The following SAMSN1 variants were observed in gnomAD, a reference collection of about 807,000 sequenced individuals.
The protein encoded by SAMSN1 is SAM domain-containing protein SAMSN-1.
In SAMSN1, 31 loss-of-function variants were observed where a neutral mutation model predicts 42.0. The ratio of observed to expected loss-of-function variants is 0.74; its 90% CI spans 0.55 to 1.00. SAMSN1 has a LOEUF of 1.00. Among genes scored for constraint, SAMSN1 ranks in the 50% least tolerant of loss-of-function variants. SAMSN1 has a pLI of 0.00. For missense variants in SAMSN1, 464 were observed against 439.4 expected, an observed-to-expected ratio of 1.06 and a Z score of -0.50; for synonymous variants, 178 against 151.9, an observed-to-expected ratio of 1.17 and a Z score of -1.26.
intron 5 of SAMSN1, among the ~76,000 whole-genome samples, chr21:14,501,582 G>C (rs566661277): frequency 4.6e-4 from 70 of 152,250 alleles, no homozygotes; most frequent in African/African-American, 1.5e-3. Context: ...GGAGATGAAA[G>C]AGAAGTCTGT....
intron 6 of SAMSN1, chr21:14,597,956 A>G (rs527352303): frequency 2.6e-5 from 4 of 152,296 alleles, no homozygotes; most frequent in African/African-American, 9.6e-5. Flanking sequence ...ATTTCTGACT[A>G]TATTTCATTG....
intron 4 of SAMSN1, 59 bp from the exon 5 acceptor site, chr21:14,510,520 T>C (rs1987643399): frequency 1.3e-6 from 2 of 1,581,056 alleles, no homozygotes; most frequent in African/African-American, 2.7e-5. Flanking sequence ...TGAATCATCA[T>C]CTGGACACAA....
chr21:14,498,615 C>T (rs1782830559), intron 6 of SAMSN1, 23 bp from the exon 7 acceptor site: 3 of 1,526,772 alleles, frequency 2.0e-6, no homozygotes, highest in Non-Finnish European at 2.6e-6. Context: ...AAATATAAAG[C>T]AAATTAGTCA....
rs538161662 is a variant in SAMSN1, at chr21:14,490,033, TA to T, written c.920-3920del. On this transcript the variant is annotated intron_variant, in intron 7 of 7. Coordinates refer to ENST00000400566, the MANE Select transcript of SAMSN1 (RefSeq NM_022136.5). ...AGAAATCTGCCCCACCTTTACATAT[TA>T]AAAAATTAAAGATTCAAAAAAATGA... is the stretch of plus-strand genomic sequence containing the variant. 6.2e-3 allele frequency among the ~76,000 whole-genome samples: 951 copies of T among 152,224 alleles called. 14 individuals are homozygous for T. The highest frequency in any genetic ancestry group is 0.021 in the African/African-American group (891 of 41,526).
At chr21:14,643,250 G>A (rs1195133621) in intron 1 of SAMSN1, 10 of 592,982 alleles carry the variant, frequency 1.7e-5, no homozygotes, top group Middle Eastern at 4.2e-4. Flanking sequence ...CCTGGGCATA[G>A]GGATTAAGAG....
chr21:14,604,379 T>C (rs1184026280), intron 5 of SAMSN1, among the ~76,000 whole-genome samples: 1 of 151,900 alleles, frequency 6.6e-6, no homozygotes, highest in Non-Finnish European at 1.5e-5. Context: ...CACAGTAGAG[T>C]GCAGTGGAAG....
At chr21:14,564,229 G>A (rs772600158) in intron 2 of SAMSN1, among the ~76,000 whole-genome samples, 20 of 152,232 alleles carry the variant, frequency 1.3e-4, no homozygotes, top group East Asian at 1.9e-4. Context: ...TGGAGACGCC[G>A]ATGGAGAATA....
At chr21:14,610,404 C>T (rs1247784157) in intron 4 of SAMSN1, among the ~76,000 whole-genome samples, 1 of 152,158 alleles carries the variant, frequency 6.6e-6, no homozygotes. Flanking sequence ...CAGACTGGTT[C>T]TCTGCTCTTG....
intron 2 of SAMSN1, among the ~76,000 whole-genome samples, chr21:14,616,277 C>T (rs544047060): frequency 1.4e-4 from 21 of 151,840 alleles, no homozygotes; most frequent in African/African-American, 2.7e-4. Context: ...CCTTTATTAA[C>T]GAGGGCTTAT....
chr21:14,504,675 G>A (rs751415778), intron 5 of SAMSN1, among the ~76,000 whole-genome samples: 5 of 152,200 alleles, frequency 3.3e-5, no homozygotes, highest in Non-Finnish European at 5.9e-5. Flanking sequence ...TTGGGAAAAC[G>A]TATTTGGAGG....
intron 1 of SAMSN1, among the ~76,000 whole-genome samples, chr21:14,644,004 T>G (rs1287938885): frequency 2.0e-5 from 3 of 152,098 alleles, no homozygotes; most frequent in Non-Finnish European, 4.4e-5. Context: ...GAATCTCTGA[T>G]CCCAATGGTC....
chr21:14,604,810 G>C (rs1373737593), intron 5 of SAMSN1, among the ~76,000 whole-genome samples: 1 of 152,240 alleles, frequency 6.6e-6, no homozygotes, highest in African/African-American at 2.4e-5. Flanking sequence ...AGGAGCCTCT[G>C]TATGACTCCA....
At chr21:14,544,137 A>G (rs369033559) in intron 1 of SAMSN1, among the ~76,000 whole-genome samples, 3 of 152,124 alleles carry the variant, frequency 2.0e-5, no homozygotes, top group Non-Finnish European at 4.4e-5. Flanking sequence ...GTAGCCTTCA[A>G]TCTCCTGGTC....
chr21:14,499,716 T>C (rs966859861), intron 6 of SAMSN1, among the ~76,000 whole-genome samples: 3 of 152,092 alleles, frequency 2.0e-5, no homozygotes, highest in Non-Finnish European at 2.9e-5. Flanking sequence ...AACCCGTACA[T>C]TCTCATAGGA....
intron 1 of SAMSN1, among the ~76,000 whole-genome samples, chr21:14,538,695 G>C (rs554547736): frequency 6.6e-6 from 1 of 152,182 alleles, no homozygotes; most frequent in Non-Finnish European, 1.5e-5. Context: ...ACAGCAGGCA[G>C]TGCAGTGAAA....
intron 6 of SAMSN1, chr21:14,594,164 C>A: frequency 1.6e-6 from 1 of 615,834 alleles, no homozygotes; most frequent in Non-Finnish European, 2.9e-6. Flanking sequence ...AGCTACCAAA[C>A]TAATTGGGAA....
chr21:14,580,046 G>T (rs1981651985), intron 2 of SAMSN1, among the ~76,000 whole-genome samples: 1 of 152,164 alleles, frequency 6.6e-6, no homozygotes, highest in Non-Finnish European at 1.5e-5. Flanking sequence ...TAATGTAGAA[G>T]TTCAAAGGAA....
chr21:14,494,873 T>C (rs1986849463), intron 7 of SAMSN1, among the ~76,000 whole-genome samples: 1 of 152,212 alleles, frequency 6.6e-6, no homozygotes, highest in Non-Finnish European at 1.5e-5. Flanking sequence ...TCTCTAGATA[T>C]ATTTAAGACT....
intron 1 of SAMSN1, among the ~76,000 whole-genome samples, chr21:14,526,663 A>G (rs993213471): frequency 6.6e-6 from 1 of 152,180 alleles, no homozygotes. Context: ...TTTTTAAAAA[A>G]TTCTCCACTC....
Sources: gnomAD v4.1 joint callset for allele counts (sites outside exome capture counted in the v4.1 genomes callset) on GRCh38, gnomAD v4.1.1 for gene constraint, MANE v1.5 for transcripts, NCBI Gene and HGNC (gene_info 2026-07-23, HGNC 2026-07-21) for gene names.